Variants in ERG observed in about 807,000 individuals in gnomAD.
The protein encoded by ERG is ETS transcription factor ERG, also known as transcriptional regulator ERG.
Under a neutral mutation model 55.3 loss-of-function variants are expected in ERG, and 9 were observed. The observed-to-expected ratio is 0.16, with a 90% CI of 0.10 to 0.28. The LOEUF is 0.28. Ranked by LOEUF, ERG falls within the 10% of genes least tolerant of loss-of-function variation. The pLI is 1.00. For missense variants in ERG, 434 were observed against 631.6 expected, an observed-to-expected ratio of 0.69 and a Z score of 3.35; for synonymous variants, 223 against 237.3, an observed-to-expected ratio of 0.94 and a Z score of 0.55.
rs531642792 is a variant in ERG at position 38,577,393 on chromosome 21, G to C, written c.-126-1646C>G. Among the ~76,000 whole-genome samples, 345 of 152,260 alleles carry C rather than the reference G, an allele frequency of 2.3e-3. 1 individual carries two copies. The highest frequency in any genetic ancestry group is 4.3e-3 in the Non-Finnish European group (290 of 68,024). ...AGAAGATGACATGCTGGGAACCTTA[G>C]GCATTTTTTTTCTATAACCAAATTT... is the stretch of plus-strand genomic sequence containing the variant. On this transcript the variant is annotated intron_variant, in intron 1 of 8. Transcript: ENST00000398897.
At chr21:38,578,063 G>A (rs1286271424) in intron 1 of ERG, among the ~76,000 whole-genome samples, 2 of 152,126 alleles carry the variant, frequency 1.3e-5, no homozygotes, top group East Asian at 1.9e-4. Context: ...GCAGAGGACC[G>A]AGTGCCCAGT....
At chr21:38,447,413 G>C (rs894327351) in intron 1 of ERG, among the ~76,000 whole-genome samples, 2 of 151,166 alleles carry the variant, frequency 1.3e-5, no homozygotes, top group Admixed American at 6.6e-5. Flanking sequence ...GCCAGACAGA[G>C]AACCAGAATC....
intron 2 of ERG, among the ~76,000 whole-genome samples, chr21:38,534,381 A>G (rs62219612): frequency 0.38 from 57,911 of 151,948 alleles, 12,507 homozygotes; most frequent in Non-Finnish European, 0.49. Context: ...AGAGTCCCTG[A>G]AAGTCACACA....
chr21:38,598,574 C>T (rs909591081), intron 1 of ERG, among the ~76,000 whole-genome samples: 2 of 152,216 alleles, frequency 1.3e-5, no homozygotes, highest in Admixed American at 1.3e-4. Flanking sequence ...CAGAATAGCA[C>T]ACAGAGCACA....
At chr21:38,488,378 C>T (rs902736752) in intron 1 of ERG, among the ~76,000 whole-genome samples, 1 of 151,954 alleles carries the variant, frequency 6.6e-6, no homozygotes, top group African/African-American at 2.4e-5. Flanking sequence ...TAAGGGGCTC[C>T]CAGGTGCTAT....
In ERG at chr21:38,383,923, C is replaced by A; in HGVS notation, c.920G>T (p.Gly307Val). The A allele has an allele frequency of 6.2e-7, 1 of 1,611,562 alleles. No homozygotes were observed. Among genetic ancestry groups the A allele is most frequent in the Non-Finnish European group, 8.5e-7 (1 of 1,178,982 alleles). ...GPTSSRLANP[G>V]SGQIQLWQFL... ...CTGCCAAAGCTGGATCTGGCCACTG[C>A]CTAATGAGGTCAGGAGAGGAAGGAA... Residue 307 changes from glycine to valine, a missense_variant and splice_region_variant, in exon 10 of 10, where the codon GGC (glycine) becomes GTC (valine). By Grantham distance (109) the Gly-to-Val change is moderately radical. Coordinates refer to ENST00000288319, the MANE Select transcript of ERG (RefSeq NM_182918.4). The surrounding 1 kb of genome is among the most constrained non-coding windows in gnomAD (Gnocchi z 5.7).
chr21:38,592,940 G>GAC (rs1225098476), intron 1 of ERG, among the ~76,000 whole-genome samples: 1 of 152,116 alleles, frequency 6.6e-6, no homozygotes, highest in Non-Finnish European at 1.5e-5. Flanking sequence ...TTTCTCCCCA[G>GAC]TGCGTCTTCC....
chr21:38,472,462 A>G (rs781043777), intron 1 of ERG, among the ~76,000 whole-genome samples: 2 of 152,214 alleles, frequency 1.3e-5, no homozygotes, highest in Non-Finnish European at 2.9e-5. Flanking sequence ...GTTTAGAGAT[A>G]AAGACAGAGG....
At chr21:38,594,945 G>A (rs113334793) in intron 1 of ERG, among the ~76,000 whole-genome samples, 2,513 of 152,260 alleles carry the variant, frequency 0.017, 34 homozygotes, top group Middle Eastern at 0.041. Context: ...CAAAAAAAGA[G>A]TTGAGGGGTT....
At chr21:38,442,475 C>T (rs74836515) in intron 2 of ERG, among the ~76,000 whole-genome samples, 5 of 152,250 alleles carry the variant, frequency 3.3e-5, no homozygotes, top group Admixed American at 2.0e-4. Flanking sequence ...CAGCGCAGCA[C>T]CAGCCTTTCA....
chr21:38,387,231 C>T (rs940487565), intron 9 of ERG, among the ~76,000 whole-genome samples: 1 of 152,204 alleles, frequency 6.6e-6, no homozygotes, highest in African/African-American at 2.4e-5. Context: ...AGGGGCCCCA[C>T]CAGTACCATG....
intron 2 of ERG, among the ~76,000 whole-genome samples, chr21:38,535,565 A>T: frequency 6.6e-6 from 1 of 152,034 alleles, no homozygotes; most frequent in East Asian, 1.9e-4. Flanking sequence ...TTATTTGTTC[A>T]TTCCTTCATG....
chr21:38,439,011 C>T (rs2058816643), intron 2 of ERG, among the ~76,000 whole-genome samples: 1 of 152,230 alleles, frequency 6.6e-6, no homozygotes, highest in African/African-American at 2.4e-5. Flanking sequence ...AGAATCACCA[C>T]ACCGGGGGAA....
intron 1 of ERG, among the ~76,000 whole-genome samples, chr21:38,631,878 G>T (rs866198359): frequency 6.2e-4 from 95 of 152,112 alleles, no homozygotes; most frequent in African/African-American, 2.2e-3. Flanking sequence ...GTTCTAGAGG[G>T]TGTGCTTGAC....
chr21:38,406,297 A>G (rs1441941104), intron 3 of ERG, among the ~76,000 whole-genome samples: 3 of 152,152 alleles, frequency 2.0e-5, no homozygotes, highest in Non-Finnish European at 4.4e-5. Context: ...TCATCCAAAC[A>G]CTTGGAAACA....
At chr21:38,518,980 G>T (rs2059574007) in intron 2 of ERG, among the ~76,000 whole-genome samples, 1 of 152,066 alleles carries the variant, frequency 6.6e-6, no homozygotes, top group East Asian at 1.9e-4. Flanking sequence ...GGAAAAACAG[G>T]GAAGAAACTG....
intron 1 of ERG, among the ~76,000 whole-genome samples, chr21:38,623,661 CAG>C (rs1236890424): frequency 2.6e-5 from 4 of 152,192 alleles, no homozygotes; most frequent in African/African-American, 7.2e-5. Flanking sequence ...GTCCTAGACT[CAG>C]AGTGAGTTCC....
In ERG at chr21:38,477,007, C is replaced by CTTTTTTTT. The variant is rs397867221; in HGVS notation, c.18+21348_18+21355dup. 3.3e-4 allele frequency among the ~76,000 whole-genome samples: 28 copies of CTTTTTTTT among 84,154 alleles called. 1 individual carries two copies. Among genetic ancestry groups the CTTTTTTTT allele is most frequent in the South Asian group, 5.1e-4 (1 of 1,972 alleles). 55.2% of individuals were successfully genotyped at this position (84,154 alleles called of 152,430 possible). ...GATTCTTTTTTCTTTTCTTTCTTTC[C>CTTTTTTTT]TTTTTTTTTTTTTTTTTTTTTTTGA... is the stretch of plus-strand genomic sequence containing the variant. On this transcript the variant is annotated intron_variant, in intron 1 of 9. Coordinates refer to ENST00000288319, the MANE Select transcript of ERG (RefSeq NM_182918.4).
chr21:38,591,819 G>A (rs955125394), intron 1 of ERG, among the ~76,000 whole-genome samples: 1 of 152,222 alleles, frequency 6.6e-6, no homozygotes, highest in Non-Finnish European at 1.5e-5. Flanking sequence ...AGTAGCTAGG[G>A]ATGCACTAGT....
Sources: allele counts gnomAD v4.1 joint callset (sites outside exome capture counted in the v4.1 genomes callset), GRCh38; gene constraint gnomAD v4.1.1; non-coding constraint Gnocchi (gnomAD v3.1); transcripts MANE v1.5; gene names NCBI Gene and HGNC (gene_info 2026-07-23, HGNC 2026-07-21).